The following ZC3H13 variants were observed in gnomAD, a reference collection of about 807,000 sequenced individuals.
ZC3H13 encodes zinc finger CCCH-type containing 13, also known as zinc finger CCCH domain-containing protein 13.
Under a neutral mutation model 204.1 loss-of-function variants are expected in ZC3H13, and 64 were observed. That is an observed-to-expected ratio of 0.31 (90% confidence interval 0.26 to 0.39). The LOEUF is 0.39. Ranked by LOEUF, ZC3H13 falls within the 10% of genes least tolerant of loss-of-function variation. ZC3H13 has a pLI of 1.00. For missense variants in ZC3H13, 1,833 were observed against 2,082.7 expected (o/e 0.88, Z 2.33); for synonymous variants, 667 against 693.7 (o/e 0.96, Z 0.60).
chr13:45,994,642 T>C (rs1832315062), intron 8 of ZC3H13, among the ~76,000 whole-genome samples: 1 of 152,188 alleles, frequency 6.6e-6, no homozygotes, highest in Non-Finnish European at 1.5e-5. Flanking sequence ...TGGATTGTTT[T>C]TAAGCTCCCA....
At chr13:46,048,474 G>A (rs1387153544) in intron 1 of ZC3H13, among the ~76,000 whole-genome samples, 4 of 151,614 alleles carry the variant, frequency 2.6e-5, no homozygotes, top group Admixed American at 2.6e-4. Flanking sequence ...CCAGCTACTC[G>A]GGAGGCTGAG....
intron 8 of ZC3H13, among the ~76,000 whole-genome samples, chr13:45,990,613 T>C (rs764478301): frequency 2.4e-4 from 37 of 152,200 alleles, no homozygotes; most frequent in Non-Finnish European, 4.7e-4. Context: ...TGACTCTAAA[T>C]AGAAATTTAT....
At chr13:45,998,917 C>T (rs9595408) in intron 8 of ZC3H13, among the ~76,000 whole-genome samples, 2 of 151,924 alleles carry the variant, frequency 1.3e-5, no homozygotes, top group African/African-American at 2.4e-5. Flanking sequence ...TGATGCTGTT[C>T]GCTAGCATTT....
rs948868223 is a variant in ZC3H13 at position 45,988,865 on chromosome 13, A to G, written c.1177T>C (p.Ser393Pro). Residue 393 changes from serine to proline, a missense_variant, in exon 9 of 19, where the codon TCT becomes CCT. This residue lies in a region of ZC3H13 where 1,574 missense variants were observed against 1,757.2 expected (regional missense o/e 0.90). Transcript: ENST00000679008. ...QRKQSPPRHR[S>P]PMREKGRHDH... ...TGTCTCCCTTTCTCTCGCATTGGAG[A>G]GCGATGTCTTGGAGGACTCTGCTTT... The G allele has an allele frequency of 1.9e-6, 3 of 1,614,008 alleles. No homozygotes were observed. In the Admixed American group the frequency reaches 5.0e-5, roughly 27 times the overall value.
chr13:45,987,276 G>A (rs906501249), intron 9 of ZC3H13, among the ~76,000 whole-genome samples: 6 of 152,086 alleles, frequency 3.9e-5, no homozygotes, highest in Non-Finnish European at 8.8e-5. Flanking sequence ...AACTTAAAAC[G>A]CCTATGATTT....
At chr13:46,021,472 T>TAA (rs2042214498) in intron 4 of ZC3H13, among the ~76,000 whole-genome samples, 1 of 151,868 alleles carries the variant, frequency 6.6e-6, no homozygotes, top group Non-Finnish European at 1.5e-5. Context: ...ACAAGGATAT[T>TAA]AAGTGCTCAA....
intron 4 of ZC3H13, among the ~76,000 whole-genome samples, chr13:46,026,675 T>G: frequency 6.6e-6 from 1 of 152,078 alleles, no homozygotes; most frequent in African/African-American, 2.4e-5. Flanking sequence ...CCCTCCAACC[T>G]GAAAATTTTA....
At position 45,968,172 on chromosome 13, in the gene ZC3H13, T is replaced by C. The variant is rs75405094; in HGVS notation, c.3797-144A>G. 564 of 604,552 alleles carry C rather than the reference T, an allele frequency of 9.3e-4. 8 individuals carry two copies. In the East Asian group the frequency reaches 0.018, roughly 19 times the overall value. The allele number at this position is 604,552 out of a possible 1,614,324, so 37.4% of individuals were successfully genotyped here. On this transcript the variant is annotated intron_variant, in intron 14 of 18. Coordinates refer to ENST00000679008, the MANE Select transcript of ZC3H13 (RefSeq NM_001330564.2). The stretch of plus-strand genomic sequence containing the variant: ...CTATGTTCCATATTGTCTCTATATG[T>C]TCTATATATTTCTATATTCTACATA...
At position 45,968,936 on chromosome 13, in the gene ZC3H13, G is replaced by C. The variant is rs1164822798; in HGVS notation, c.3608C>G (p.Ser1203Cys). 2.5e-6 allele frequency: 4 copies of C among 1,614,212 alleles called. No individual in the cohort carries two copies. Among genetic ancestry groups the C allele is most frequent in the South Asian group, 2.2e-5 (2 of 91,090 alleles). The change falls in exon 14 of 19, where the codon TCT becomes TGT. Residue 1203 changes from serine to cysteine, a missense_variant. Transcript: ENST00000679008. ...ATTGGATGGGGAGCGAAGACGACCA[G>C]ACGTATGACTACGGTTACTCCGATT... ...GSNRSNRSHTSGRLRSPSNDS... is the reference protein window; with the variant it reads ...GSNRSNRSHTCGRLRSPSNDS...
chr13:46,048,821 G>A (rs1013066324), intron 1 of ZC3H13, among the ~76,000 whole-genome samples: 1 of 151,870 alleles, frequency 6.6e-6, no homozygotes, highest in Non-Finnish European at 1.5e-5. Context: ...TCCCAATTTA[G>A]CGAAGAAATG....
chr13:46,040,081 T>C (rs1006516019), intron 4 of ZC3H13, among the ~76,000 whole-genome samples: 2 of 152,198 alleles, frequency 1.3e-5, no homozygotes, highest in African/African-American at 4.8e-5. Flanking sequence ...TATTGGCATG[T>C]GTATTTTGAA....
intron 4 of ZC3H13, among the ~76,000 whole-genome samples, chr13:46,041,512 T>C (rs1162964252): frequency 1.3e-5 from 2 of 152,104 alleles, no homozygotes; most frequent in African/African-American, 2.4e-5. Context: ...ACAACTCTAA[T>C]AATACTAAAA....
intron 17 of ZC3H13, chr13:45,963,089 G>C: frequency 1.0e-6 from 1 of 981,228 alleles, no homozygotes; most frequent in Non-Finnish European, 1.2e-6. Context: ...TGTTTTGCCT[G>C]TAATAACTCA....
Position 45,991,126 on chromosome 13 carries a change from A to G in ZC3H13, c.945-2029T>C, listed in dbSNP as rs545582485. On this transcript the variant is annotated intron_variant, in intron 8 of 18. Coordinates refer to ENST00000679008, the MANE Select transcript of ZC3H13 (RefSeq NM_001330564.2). ...GGTTCTCGTCAATTTAAAAAACTAAAGAATGAATGGTTCTCCATTGAACTG... is the reference window on the plus strand; with the variant it reads ...GGTTCTCGTCAATTTAAAAAACTAAGGAATGAATGGTTCTCCATTGAACTG... Among the ~76,000 whole-genome samples the G allele has an allele frequency of 9.2e-5, 14 of 152,348 alleles. No individual in the cohort carries two copies. The East Asian group carries it at 2.7e-3, about 29-fold the overall frequency.
At chr13:45,994,246 T>C (rs893940280) in intron 8 of ZC3H13, among the ~76,000 whole-genome samples, 1 of 152,232 alleles carries the variant, frequency 6.6e-6, no homozygotes, top group South Asian at 2.1e-4. Context: ...AAAATATGTG[T>C]TAATCAAACG....
intron 10 of ZC3H13, among the ~76,000 whole-genome samples, chr13:45,983,401 T>TATATATATA (rs1953842302): frequency 8.5e-5 from 3 of 35,488 alleles, no homozygotes; most frequent in African/African-American, 5.4e-4. Context: ...CCCCTTCTAC[T>TATATATATA]TATATATATA....
chr13:45,980,894 T>C (rs1953525914), intron 10 of ZC3H13, among the ~76,000 whole-genome samples: 1 of 152,156 alleles, frequency 6.6e-6, no homozygotes, highest in Admixed American at 6.5e-5. Flanking sequence ...CCCAAGTGCA[T>C]GTATACTGGT....
chr13:46,018,573 G>C (rs2042049704), intron 5 of ZC3H13, among the ~76,000 whole-genome samples: 1 of 152,146 alleles, frequency 6.6e-6, no homozygotes, highest in Non-Finnish European at 1.5e-5. Flanking sequence ...AAGTAAAAAA[G>C]TTTAGGCACA....
At chr13:46,045,215 G>A in intron 2 of ZC3H13, 151 bp from the exon 3 acceptor site, 1 of 963,780 alleles carries the variant, frequency 1.0e-6, no homozygotes, top group South Asian at 1.7e-5. Flanking sequence ...AAAAAAATAT[G>A]GAAAAACCCA....
Sources: allele counts gnomAD v4.1 joint callset (sites outside exome capture counted in the v4.1 genomes callset), GRCh38; gene constraint gnomAD v4.1.1; regional missense constraint gnomAD v4.1.1; transcripts MANE v1.5; gene names NCBI Gene and HGNC (gene_info 2026-07-23, HGNC 2026-07-21).